The following TTC7A variants were observed in gnomAD, a reference collection of about 807,000 sequenced individuals.
TTC7A encodes the protein tetratricopeptide repeat domain 7A.
Under a neutral mutation model 103.7 loss-of-function variants are expected in TTC7A, and 110 were observed. The observed-to-expected ratio is 1.06, with a 90% CI of 0.91 to 1.24. The LOEUF (loss-of-function observed/expected upper bound fraction) is 1.24. Among genes scored for constraint, TTC7A ranks in the 50% most tolerant of loss-of-function variants. The pLI is 0.00. For synonymous variants in TTC7A, 521 were observed against 467.9 expected (o/e 1.11, Z -1.47); for missense variants, 1,340 against 1,116.3 (o/e 1.20, Z -2.86).
Position 47,021,718 on chromosome 2 carries a change from G to A in TTC7A, c.1393-144G>A, listed in dbSNP as rs187254929. 2.7e-4 allele frequency: 192 copies of A among 710,058 alleles called. 1 individual carries two copies. The African/African-American group carries it at 3.0e-3, about 11-fold the overall frequency. 44.0% of individuals were successfully genotyped at this position (710,058 alleles called of 1,614,324 possible). A position where few individuals can be genotyped will look rare whatever the true frequency, so the allele number is the denominator to read the frequency against. On this transcript the variant is annotated intron_variant, in intron 11 of 19. Coordinates refer to ENST00000319190, the MANE Select transcript of TTC7A (RefSeq NM_020458.4). The stretch of plus-strand genomic sequence containing the variant: ...AAATTTGGGGAGCTGGGATCTCTGG[G>A]GCAAGGGAAGCTTCTCCCTGTGAGA...
chr2:46,935,001 A>T (rs1157177005), intron 2 of TTC7A, among the ~76,000 whole-genome samples: 1 of 151,564 alleles, frequency 6.6e-6, no homozygotes, highest in Non-Finnish European at 1.5e-5. Context: ...GGGTTTCATC[A>T]TGTTGGCCAG....
chr2:46,993,372 G>A (rs1675820066), intron 5 of TTC7A, 78 bp from the exon 6 acceptor site: 1 of 1,356,818 alleles, frequency 7.4e-7, no homozygotes, highest in Non-Finnish European at 1.1e-6. Context: ...CTCCTCCTGG[G>A]GTCTGCTGGT....
chr2:46,978,979 C>A, intron 5 of TTC7A, 72 bp downstream of exon 5: 1 of 1,052,806 alleles, frequency 9.5e-7, no homozygotes, highest in Non-Finnish European at 1.5e-6. Context: ...GGCCTTAAGG[C>A]TGCTCTCCCT....
chr2:47,009,352 C>G (rs1296973849), intron 10 of TTC7A, among the ~76,000 whole-genome samples: 2 of 152,144 alleles, frequency 1.3e-5, no homozygotes, highest in African/African-American at 2.4e-5. Flanking sequence ...CTCTCCCACC[C>G]TTTCTGTGGG....
chr2:47,072,877 G>A (rs1684884991), intron 19 of TTC7A, among the ~76,000 whole-genome samples: 1 of 152,220 alleles, frequency 6.6e-6, no homozygotes, highest in Admixed American at 6.5e-5. Flanking sequence ...GGTAGAAGAG[G>A]ATGTAGAGGG....
intron 8 of TTC7A, among the ~76,000 whole-genome samples, chr2:47,005,240 G>A (rs144617946): frequency 9.9e-5 from 15 of 152,202 alleles, no homozygotes; most frequent in East Asian, 9.7e-4. Flanking sequence ...GGGAGGGGGG[G>A]GCTCTGGGAA....
At chr2:46,933,489 T>C (rs1669816509) in intron 2 of TTC7A, among the ~76,000 whole-genome samples, 1 of 152,246 alleles carries the variant, frequency 6.6e-6, no homozygotes, top group African/African-American at 2.4e-5. Context: ...ACATGTAGTT[T>C]TTCTGGCAGC....
At chr2:47,047,379 C>T in intron 16 of TTC7A, 1 of 1,338,836 alleles carries the variant, frequency 7.5e-7, no homozygotes. Context: ...AGTCAGCCCT[C>T]ACTTTTCAGG....
chr2:46,957,252 C>T (rs891833638), intron 3 of TTC7A, among the ~76,000 whole-genome samples: 2 of 152,222 alleles, frequency 1.3e-5, no homozygotes, highest in Admixed American at 1.3e-4. Context: ...CTTTGTGTAC[C>T]CTTGGGCAAT....
rs115467705 is a variant in TTC7A, at chr2:46,964,101, G to A, written c.517+7094G>A. Among the ~76,000 whole-genome samples the A allele has an allele frequency of 9.9e-3, 1,505 of 152,278 alleles. 17 individuals are homozygous for A. The highest frequency in any genetic ancestry group is 0.029 in the African/African-American group (1,196 of 41,556). On this transcript the variant is annotated intron_variant, in intron 3 of 19. Transcript: ENST00000319190. ...GTTGCAGGGTCAGGCTGTGGACATC[G>A]CTCTCTCTGACTCCAGCATTCAGGC... is the stretch of plus-strand genomic sequence containing the variant.
chr2:47,073,637 CCA>C, intron 19 of TTC7A, 63 bp from the exon 20 acceptor site: 2 of 1,436,338 alleles, frequency 1.4e-6, no homozygotes, highest in Non-Finnish European at 1.9e-6. Flanking sequence ...TGTGCTTGGC[CCA>C]GTTGCCAAGA....
At chr2:47,020,992 T>G (rs1036429203) in intron 11 of TTC7A, among the ~76,000 whole-genome samples, 2 of 152,246 alleles carry the variant, frequency 1.3e-5, no homozygotes, top group African/African-American at 4.8e-5. Context: ...GCTTGGGGCT[T>G]TGATGTCTGG....
intron 3 of TTC7A, among the ~76,000 whole-genome samples, chr2:46,968,234 C>G (rs953538072): frequency 1.3e-5 from 2 of 152,216 alleles, no homozygotes; most frequent in Admixed American, 1.3e-4. Context: ...AGCAAGTCCT[C>G]CTCTTGCAAG....
At chr2:46,931,452 A>G (rs1466914528) in intron 2 of TTC7A, among the ~76,000 whole-genome samples, 1 of 152,198 alleles carries the variant, frequency 6.6e-6, no homozygotes, top group Admixed American at 6.5e-5. Flanking sequence ...TGAGATGGGG[A>G]GATTATCTTG....
chr2:46,978,990 C>G, intron 5 of TTC7A, 83 bp downstream of exon 5: 1 of 904,398 alleles, frequency 1.1e-6, no homozygotes, highest in East Asian at 2.6e-5. Flanking sequence ...TGCTCTCCCT[C>G]TTCTCTGGCC....
At chr2:47,053,530 T>TTTTGTTTGTTTGTTTG (rs748315468) in intron 18 of TTC7A, among the ~76,000 whole-genome samples, 14 of 138,848 alleles carry the variant, frequency 1.0e-4, no homozygotes, top group Non-Finnish European at 1.9e-4. Flanking sequence ...TGGTGGGTTT[T>TTTTGTTTGTTTGTTTG]TTTGTTTGTT....
chr2:46,918,514 A>G (rs1668935615), intron 2 of TTC7A, among the ~76,000 whole-genome samples: 3 of 152,214 alleles, frequency 2.0e-5, no homozygotes, highest in Admixed American at 2.0e-4. Flanking sequence ...GTGTTCTGTA[A>G]CTTGTAGCTG....
intron 5 of TTC7A, among the ~76,000 whole-genome samples, chr2:46,988,173 T>C (rs1675233943): frequency 6.6e-6 from 1 of 152,126 alleles, no homozygotes; most frequent in Non-Finnish European, 1.5e-5. Context: ...CTCTTAGCAC[T>C]ACCTCCTCAA....
intron 5 of TTC7A, 28 bp downstream of exon 5, chr2:46,978,935 G>A: frequency 6.5e-7 from 1 of 1,534,812 alleles, no homozygotes; most frequent in Non-Finnish European, 9.0e-7. Flanking sequence ...GAGTGAGTGG[G>A]AGAACGATTC....
Sources: gnomAD v4.1 joint callset for allele counts (sites outside exome capture counted in the v4.1 genomes callset) on GRCh38, gnomAD v4.1.1 for gene constraint, MANE v1.5 for transcripts, NCBI Gene and HGNC (gene_info 2026-07-23, HGNC 2026-07-21) for gene names.